Variants in RIT2 observed in about 807,000 individuals in gnomAD.
RIT2 encodes GTP-binding protein Rit2.
A neutral mutation model predicts 23.7 loss-of-function variants in RIT2; 24 were observed. The observed-to-expected ratio is 1.01, with a 90% CI of 0.73 to 1.43. RIT2 has a LOEUF of 1.43. Ranked by LOEUF, RIT2 falls within the 40% of genes most tolerant of loss-of-function variation. The pLI, the probability that RIT2 is intolerant of heterozygous loss-of-function variation, is 0.00. For missense variants in RIT2, 236 were observed against 266.9 expected, an observed-to-expected ratio of 0.88 and a Z score of 0.81; for synonymous variants, 107 against 91.1, an observed-to-expected ratio of 1.17 and a Z score of -0.99.
At chr18:42,880,084 C>T (rs183417276) in intron 4 of RIT2, among the ~76,000 whole-genome samples, 8 of 152,266 alleles carry the variant, frequency 5.3e-5, no homozygotes, top group African/African-American at 1.7e-4. Context: ...GGTGTCCCTG[C>T]TACAGAGACA....
chr18:43,029,577 A>C (rs1911807494), intron 2 of RIT2, among the ~76,000 whole-genome samples: 1 of 152,026 alleles, frequency 6.6e-6, no homozygotes, highest in Admixed American at 6.6e-5. Flanking sequence ...AAAAAAAAGA[A>C]AAATTGGACT....
At chr18:43,078,772 A>T (rs973061843) in intron 1 of RIT2, among the ~76,000 whole-genome samples, 11 of 152,122 alleles carry the variant, frequency 7.2e-5, no homozygotes, top group Non-Finnish European at 1.3e-4. Flanking sequence ...ATTGTCTCAG[A>T]TTATCTTTCT....
At chr18:42,889,157 T>C (rs554825506) in intron 4 of RIT2, among the ~76,000 whole-genome samples, 7 of 152,092 alleles carry the variant, frequency 4.6e-5, no homozygotes, top group South Asian at 2.1e-4. Context: ...GTATCTGTTA[T>C]ATAAATAAGT....
At chr18:42,795,614 C>A (rs572011500) in intron 4 of RIT2, among the ~76,000 whole-genome samples, 72 of 152,364 alleles carry the variant, frequency 4.7e-4, no homozygotes, top group African/African-American at 1.7e-3. Context: ...CTGAGAACTG[C>A]GGGCGCGGCA....
chr18:42,973,933 T>C, intron 3 of RIT2, 141 bp downstream of exon 3: 1 of 582,998 alleles, frequency 1.7e-6, no homozygotes, highest in Non-Finnish European at 3.0e-6. Context: ...TTGATTCTTT[T>C]AAAATTTAAT....
intron 1 of RIT2, among the ~76,000 whole-genome samples, chr18:43,044,808 G>A (rs1280529781): frequency 6.6e-6 from 1 of 152,058 alleles, no homozygotes; most frequent in East Asian, 1.9e-4. Context: ...TTCCCTGAGT[G>A]TTTTTCCTTC....
At position 43,032,404 on chromosome 18, in the gene RIT2, C is replaced by T. The variant is rs116804653; in HGVS notation, c.160+1407G>A. 5.4e-3 allele frequency among the ~76,000 whole-genome samples: 816 copies of T among 152,094 alleles called. 8 individuals are homozygous for T. The highest frequency in any genetic ancestry group is 0.018 in the African/African-American group (759 of 41,514). ...AAGAATAACAGAAAATAATAAACAA[C>T]TGAGTGAATTTCTGATATCATAAAT... On this transcript the variant is annotated intron_variant, in intron 2 of 4. Coordinates refer to ENST00000326695, the MANE Select transcript of RIT2 (RefSeq NM_002930.4).
intron 4 of RIT2, among the ~76,000 whole-genome samples, chr18:42,816,378 G>C (rs1315146592): frequency 6.6e-6 from 1 of 152,130 alleles, no homozygotes; most frequent in Non-Finnish European, 1.5e-5. Flanking sequence ...TCACCAAATG[G>C]TTCACCTAGG....
chr18:42,755,726 C>G (rs552007366), intron 4 of RIT2, among the ~76,000 whole-genome samples: 1 of 152,258 alleles, frequency 6.6e-6, no homozygotes, highest in South Asian at 2.1e-4. Flanking sequence ...GATGACATCA[C>G]TGGAACCCAG....
intron 1 of RIT2, among the ~76,000 whole-genome samples, chr18:43,054,679 T>C (rs182371089): frequency 2.6e-5 from 4 of 152,232 alleles, no homozygotes; most frequent in Admixed American, 2.6e-4. Context: ...TAGTCTGTTT[T>C]CTTGGTACCT....
intron 3 of RIT2, among the ~76,000 whole-genome samples, chr18:42,937,468 G>T (rs901823127): frequency 2.0e-5 from 3 of 152,128 alleles, no homozygotes; most frequent in African/African-American, 4.8e-5. Context: ...CAGCGGAGAA[G>T]GTGGTGAAGG....
intron 1 of RIT2, among the ~76,000 whole-genome samples, chr18:43,056,141 C>A (rs1328845334): frequency 6.6e-6 from 1 of 152,046 alleles, no homozygotes; most frequent in Non-Finnish European, 1.5e-5. Flanking sequence ...ACTGGACAAG[C>A]AACAGTTGTC....
At chr18:43,058,473 T>C (rs1197741274) in intron 1 of RIT2, among the ~76,000 whole-genome samples, 1 of 152,166 alleles carries the variant, frequency 6.6e-6, no homozygotes, top group Non-Finnish European at 1.5e-5. Flanking sequence ...TGAGATGCAC[T>C]TCTGTACTAC....
At chr18:42,941,445 T>C (rs1264597541) in intron 3 of RIT2, among the ~76,000 whole-genome samples, 1 of 152,004 alleles carries the variant, frequency 6.6e-6, no homozygotes, top group Non-Finnish European at 1.5e-5. Flanking sequence ...CCAGGAGGGA[T>C]GAAAGTTTCA....
chr18:42,946,694 G>C (rs1203474978), intron 3 of RIT2, among the ~76,000 whole-genome samples: 2 of 151,908 alleles, frequency 1.3e-5, no homozygotes, highest in Non-Finnish European at 2.9e-5. Flanking sequence ...GAATTATCAA[G>C]AGTAAAACTA....
intron 4 of RIT2, among the ~76,000 whole-genome samples, chr18:42,749,021 T>C (rs1360703959): frequency 6.6e-6 from 1 of 151,978 alleles, no homozygotes; most frequent in Non-Finnish European, 1.5e-5. Context: ...CAACATGTCA[T>C]AGCTAACAAA....
At chr18:43,029,684 T>C (rs879926282) in intron 2 of RIT2, among the ~76,000 whole-genome samples, 2 of 152,042 alleles carry the variant, frequency 1.3e-5, no homozygotes, top group African/African-American at 4.8e-5. Context: ...ATTGTGCACC[T>C]TTGACTCCTT....
chr18:42,825,154 T>A (rs1476258898), intron 4 of RIT2, among the ~76,000 whole-genome samples: 5 of 151,856 alleles, frequency 3.3e-5, no homozygotes, highest in Admixed American at 3.3e-4. Context: ...AAGTAACTGA[T>A]GAAAATTATT....
At chr18:42,910,713 T>C (rs1342947284) in intron 4 of RIT2, among the ~76,000 whole-genome samples, 3 of 152,088 alleles carry the variant, frequency 2.0e-5, no homozygotes, top group Non-Finnish European at 4.4e-5. Context: ...CTCCAGGGGA[T>C]GATCATCTTC....
Sources: gnomAD v4.1 joint callset for allele counts (sites outside exome capture counted in the v4.1 genomes callset) on GRCh38, gnomAD v4.1.1 for gene constraint, MANE v1.5 for transcripts, NCBI Gene and HGNC (gene_info 2026-07-23, HGNC 2026-07-21) for gene names.